The following HVCN1 variants were observed in gnomAD, a reference collection of about 807,000 sequenced individuals.
The protein encoded by HVCN1 is hydrogen voltage gated channel 1.
Under a neutral mutation model 29.2 loss-of-function variants are expected in HVCN1, and 14 were observed. The observed-to-expected ratio is 0.48, with a 90% CI of 0.32 to 0.75. The LOEUF (loss-of-function observed/expected upper bound fraction) is 0.75. HVCN1 is among the 30% of genes least tolerant of loss of function. The pLI is 0.04. For missense variants in HVCN1, 263 were observed against 341.8 expected (o/e 0.77, Z 1.82); for synonymous variants, 131 against 133.2 (o/e 0.98, Z 0.11).
At chr12:110,669,118 G>A (rs1369370993) in intron 3 of HVCN1, among the ~76,000 whole-genome samples, 2 of 151,794 alleles carry the variant, frequency 1.3e-5, no homozygotes, top group Non-Finnish European at 2.9e-5. Context: ...CAACTGACCT[G>A]ATTTCTTACC....
chr12:110,677,107 A>T (rs1046669271), intron 3 of HVCN1, among the ~76,000 whole-genome samples: 14 of 152,010 alleles, frequency 9.2e-5, no homozygotes, highest in Non-Finnish European at 1.5e-5. Flanking sequence ...TGGGAGACTG[A>T]GAGAGGCGGA....
intron 4 of HVCN1, 136 bp from the exon 5 acceptor site, chr12:110,655,474 T>G: frequency 1.5e-6 from 1 of 646,056 alleles, no homozygotes; most frequent in South Asian, 1.8e-5. Flanking sequence ...GCTACTGCTA[T>G]AGCTCGCCAG....
intron 3 of HVCN1, among the ~76,000 whole-genome samples, chr12:110,673,786 C>G (rs1025454961): frequency 2.6e-5 from 4 of 152,218 alleles, no homozygotes; most frequent in Non-Finnish European, 5.9e-5. Context: ...GGTTTGGGAA[C>G]CTCTGCCTAG....
At chr12:110,679,823 G>A (rs1304457038) in intron 3 of HVCN1, among the ~76,000 whole-genome samples, 1 of 150,950 alleles carries the variant, frequency 6.6e-6, no homozygotes, top group Non-Finnish European at 1.5e-5. Flanking sequence ...ACTGCAGTCC[G>A]CAGTCCGGCC....
chr12:110,678,360 C>T (rs1375076851), intron 3 of HVCN1, among the ~76,000 whole-genome samples: 1 of 151,682 alleles, frequency 6.6e-6, no homozygotes, highest in Non-Finnish European at 1.5e-5. Context: ...TCAGTACACA[C>T]TGACTTGTGT....
intron 4 of HVCN1, among the ~76,000 whole-genome samples, chr12:110,656,866 A>C (rs1051991304): frequency 3.9e-5 from 6 of 152,198 alleles, no homozygotes; most frequent in Non-Finnish European, 5.9e-5. Flanking sequence ...TAAAGGTGCA[A>C]GCCTCTAGTA....
chr12:110,689,297 C>G (rs944462687), upstream of HVCN1: 2 of 152,350 alleles, frequency 1.3e-5, no homozygotes, highest in Admixed American at 6.5e-5. This position sits in a 1 kb window ranked among gnomAD's most constrained non-coding sequence, Gnocchi z 5.7. Flanking sequence ...GGTCAGTCCA[C>G]CCGTTCGTCC....
At chr12:110,662,658 T>C (rs925508850) in intron 3 of HVCN1, among the ~76,000 whole-genome samples, 1 of 152,150 alleles carries the variant, frequency 6.6e-6, no homozygotes, top group Non-Finnish European at 1.5e-5. Flanking sequence ...TGAGCCAAGA[T>C]CATGCCACTG....
chr12:110,650,422 T>TG (rs1233402106), intron 6 of HVCN1, 142 bp from the exon 7 acceptor site: 2 of 590,568 alleles, frequency 3.4e-6, no homozygotes, highest in Non-Finnish European at 6.2e-6. Flanking sequence ...GCATCAGAAC[T>TG]GGGAGGTCAG....
intron 3 of HVCN1, chr12:110,682,630 C>A (rs1274077102): frequency 6.4e-6 from 1 of 155,974 alleles, no homozygotes; most frequent in African/African-American, 2.4e-5. Context: ...ATCTTCCCGA[C>A]AATCCTGCAA....
At chr12:110,677,958 CA>C (rs1324820899) in intron 3 of HVCN1, among the ~76,000 whole-genome samples, 2 of 152,238 alleles carry the variant, frequency 1.3e-5, no homozygotes, top group African/African-American at 4.8e-5. Context: ...GGGCTGCATA[CA>C]GACTATATGG....
intron 3 of HVCN1, among the ~76,000 whole-genome samples, chr12:110,668,814 G>A (rs765112011): frequency 5.9e-5 from 9 of 152,110 alleles, no homozygotes; most frequent in Non-Finnish European, 1.0e-4. Flanking sequence ...ACCTGTGACC[G>A]TGGCTCCAAC....
intron 2 of HVCN1, among the ~76,000 whole-genome samples, chr12:110,697,372 A>G (rs1220472611): frequency 2.6e-5 from 4 of 152,164 alleles, no homozygotes; most frequent in Admixed American, 2.6e-4. Flanking sequence ...AAGAGGTAGA[A>G]GGAAAAACCA....
intron 3 of HVCN1, among the ~76,000 whole-genome samples, chr12:110,680,311 A>T (rs2068915741): frequency 6.6e-6 from 1 of 151,902 alleles, no homozygotes; most frequent in East Asian, 1.9e-4. Context: ...CTGGTTGTGC[A>T]TTGCAATCCC....
intron 3 of HVCN1, among the ~76,000 whole-genome samples, chr12:110,681,404 T>C (rs573210235): frequency 6.6e-6 from 1 of 152,338 alleles, no homozygotes; most frequent in South Asian, 2.1e-4. Flanking sequence ...TCTAGAACAG[T>C]GGCATGGGTT....
At chr12:110,660,529 G>A (rs1289360671) in intron 4 of HVCN1, among the ~76,000 whole-genome samples, 1 of 152,186 alleles carries the variant, frequency 6.6e-6, no homozygotes, top group Non-Finnish European at 1.5e-5. Flanking sequence ...TGTTTTTTCT[G>A]TCTCCGTTAT....
intron 4 of HVCN1, among the ~76,000 whole-genome samples, chr12:110,656,587 C>G (rs898229200): frequency 2.0e-5 from 3 of 152,144 alleles, no homozygotes; most frequent in Non-Finnish European, 2.9e-5. Flanking sequence ...CCCACCCCCC[C>G]GCCAGGGCCT....
intron 3 of HVCN1, among the ~76,000 whole-genome samples, chr12:110,672,602 G>A (rs960683855): frequency 6.6e-6 from 1 of 152,146 alleles, no homozygotes; most frequent in Non-Finnish European, 1.5e-5. Flanking sequence ...AGGTTTGGCT[G>A]ATACCAAACC....
intron 2 of HVCN1, among the ~76,000 whole-genome samples, chr12:110,701,883 A>AAACAACAACAACAAC (rs376581552): frequency 6.7e-6 from 1 of 149,686 alleles, no homozygotes; most frequent in African/African-American, 2.5e-5. Context: ...AACAAGAACA[A>AAACAACAACAACAAC]AACAACAACA....
Sources: gnomAD v4.1 joint callset for allele counts (sites outside exome capture counted in the v4.1 genomes callset) on GRCh38, gnomAD v4.1.1 for gene constraint, Gnocchi (gnomAD v3.1) non-coding constraint, MANE v1.5 for transcripts, NCBI Gene and HGNC (gene_info 2026-07-23, HGNC 2026-07-21) for gene names.